Variants in CDH12 observed in about 807,000 individuals in gnomAD.
CDH12 encodes cadherin 12.
Under a neutral mutation model 74.1 loss-of-function variants are expected in CDH12, and 41 were observed. The ratio of observed to expected loss-of-function variants is 0.55; its 90% CI spans 0.43 to 0.72. CDH12 has a LOEUF of 0.72. Ranked by LOEUF, CDH12 falls within the 30% of genes least tolerant of loss-of-function variation. The probability of loss-of-function intolerance (pLI) is 0.00; values close to 1 mark genes in which losing one functional copy is unlikely to be tolerated. For missense variants in CDH12, 945 were observed against 977.2 expected (o/e 0.97, Z 0.44); for synonymous variants, 399 against 355.0 (o/e 1.12, Z -1.39).
intron 3 of CDH12, among the ~76,000 whole-genome samples, chr5:22,322,684 T>C (rs1378020120): frequency 6.6e-6 from 1 of 152,190 alleles, no homozygotes; most frequent in Non-Finnish European, 1.5e-5. Context: ...TATTTTCTTT[T>C]GTGTCTGCTA....
intron 1 of CDH12, among the ~76,000 whole-genome samples, chr5:22,533,726 G>A (rs1737699027): frequency 1.3e-5 from 2 of 152,142 alleles, no homozygotes; most frequent in Non-Finnish European, 2.9e-5. Context: ...GGGCTCTACT[G>A]AGCACAGTTG....
chr5:21,774,240 G>A (rs891050683), intron 11 of CDH12, among the ~76,000 whole-genome samples: 5 of 152,256 alleles, frequency 3.3e-5, no homozygotes, highest in East Asian at 1.9e-4. Flanking sequence ...GCAGAGGAAC[G>A]TGGAAGGAAT....
intron 1 of CDH12, among the ~76,000 whole-genome samples, chr5:22,533,466 G>T (rs192588933): frequency 2.0e-5 from 3 of 152,148 alleles, no homozygotes; most frequent in Non-Finnish European, 4.4e-5. Flanking sequence ...ATATAAGAAG[G>T]TCTTAGAGAC....
At chr5:22,106,824 A>G (rs1744472281) in intron 4 of CDH12, among the ~76,000 whole-genome samples, 1 of 152,214 alleles carries the variant, frequency 6.6e-6, no homozygotes, top group Admixed American at 6.5e-5. Flanking sequence ...GCCATCCAAC[A>G]GTTTTACTAA....
At chr5:22,575,554 G>T (rs548859246) in intron 1 of CDH12, among the ~76,000 whole-genome samples, 6 of 152,010 alleles carry the variant, frequency 3.9e-5, no homozygotes, top group African/African-American at 1.4e-4. Flanking sequence ...CATCATGCCT[G>T]GCTAGTTCTT....
At chr5:22,425,075 T>TAG (rs1491222598) in intron 2 of CDH12, among the ~76,000 whole-genome samples, 34 of 124,838 alleles carry the variant, frequency 2.7e-4, no homozygotes, top group South Asian at 9.9e-4. Flanking sequence ...TATATATATA[T>TAG]ATAGAGAGAG....
At chr5:21,883,398 C>A in intron 6 of CDH12, 1 of 1,557,510 alleles carries the variant, frequency 6.4e-7, no homozygotes, top group Non-Finnish European at 8.9e-7. Context: ...TCACCATAAG[C>A]CTTTGGTGAT....
chr5:22,038,238 C>A (rs539589927), intron 5 of CDH12, among the ~76,000 whole-genome samples: 2 of 152,324 alleles, frequency 1.3e-5, no homozygotes, highest in South Asian at 4.1e-4. Flanking sequence ...AGAACCACCT[C>A]TGCCTGGTGG....
At chr5:22,335,228 T>C (rs1739522033) in intron 3 of CDH12, among the ~76,000 whole-genome samples, 1 of 152,168 alleles carries the variant, frequency 6.6e-6, no homozygotes, top group African/African-American at 2.4e-5. Context: ...ATCTTGTAGC[T>C]CCCATAATTC....
chr5:22,525,420 T>C (rs1047746716), intron 1 of CDH12, among the ~76,000 whole-genome samples: 1 of 151,650 alleles, frequency 6.6e-6, no homozygotes, highest in Non-Finnish European at 1.5e-5. Flanking sequence ...GGTATGCCCT[T>C]AAGAAGCTGG....
intron 7 of CDH12, among the ~76,000 whole-genome samples, chr5:21,846,810 G>A (rs1338339952): frequency 2.0e-5 from 3 of 152,046 alleles, no homozygotes; most frequent in African/African-American, 4.8e-5. Flanking sequence ...GCAAGTCCAG[G>A]CTTTATCTTA....
chr5:22,245,462 T>C (rs1177850236), intron 3 of CDH12, among the ~76,000 whole-genome samples: 1 of 152,092 alleles, frequency 6.6e-6, no homozygotes, highest in Admixed American at 6.5e-5. Context: ...TTTAAAAATA[T>C]AATCTTGGTA....
chr5:22,741,924 T>A (rs185708406), intron 1 of CDH12, among the ~76,000 whole-genome samples: 25 of 152,300 alleles, frequency 1.6e-4, no homozygotes, highest in African/African-American at 5.5e-4. Context: ...CTCATGCCTG[T>A]AATCCCAGCA....
chr5:22,497,860 C>CAGGA (rs1284013949), intron 2 of CDH12, among the ~76,000 whole-genome samples: 112 of 151,970 alleles, frequency 7.4e-4, no homozygotes, highest in African/African-American at 2.5e-3. Flanking sequence ...CTGGGCTGGT[C>CAGGA]TCAAACTCCT....
chr5:21,832,734 T>C (rs975861295), intron 8 of CDH12, among the ~76,000 whole-genome samples: 7 of 140,440 alleles, frequency 5.0e-5, no homozygotes, highest in African/African-American at 1.6e-4. Context: ...GCTTATTATA[T>C]ATGAGACACA....
intron 7 of CDH12, among the ~76,000 whole-genome samples, chr5:21,852,806 C>T (rs1005852919): frequency 2.0e-5 from 3 of 151,288 alleles, no homozygotes; most frequent in African/African-American, 7.3e-5. Context: ...CCTCTTGTCT[C>T]TCAGGAGTGT....
intron 1 of CDH12, among the ~76,000 whole-genome samples, chr5:22,814,527 T>C (rs767871429): frequency 5.9e-5 from 9 of 152,186 alleles, no homozygotes; most frequent in Non-Finnish European, 1.0e-4. Context: ...TCCTAATTCA[T>C]TGATCTATTA....
At chr5:22,405,456 G>A (rs2126458855) in intron 2 of CDH12, 105 bp from the exon 3 acceptor site, 1 of 167,982 alleles carries the variant, frequency 6.0e-6, no homozygotes, top group Middle Eastern at 3.1e-3. Flanking sequence ...ACATCTCTAT[G>A]AAACTTTGAA....
chr5:22,187,159 C>T (rs1214793717), intron 4 of CDH12, among the ~76,000 whole-genome samples: 6 of 152,182 alleles, frequency 3.9e-5, no homozygotes, highest in African/African-American at 1.4e-4. Context: ...AACACTCACA[C>T]GAGCACATAT....
Sources: allele counts gnomAD v4.1 joint callset (sites outside exome capture counted in the v4.1 genomes callset), GRCh38; gene constraint gnomAD v4.1.1; transcripts MANE v1.5; gene names NCBI Gene and HGNC (gene_info 2026-07-23, HGNC 2026-07-21).